Variants in SNTG1 observed in about 807,000 individuals in gnomAD.
SNTG1 encodes the protein syntrophin gamma 1.
Under a neutral mutation model 74.7 loss-of-function variants are expected in SNTG1, and 39 were observed. The observed-to-expected ratio is 0.52, with a 90% CI of 0.40 to 0.68. The LOEUF (loss-of-function observed/expected upper bound fraction) is 0.68, where lower values mean the gene tolerates loss of function less well. SNTG1 is among the 30% of genes least tolerant of loss of function. The pLI, the probability that SNTG1 is intolerant of heterozygous loss-of-function variation, is 0.00. For synonymous variants in SNTG1, 254 were observed against 217.1 expected (o/e 1.17, Z -1.49); for missense variants, 685 against 609.5 (o/e 1.12, Z -1.30).
At chr8:50,243,663 G>A (rs1563789240) in intron 2 of SNTG1, among the ~76,000 whole-genome samples, 1 of 150,062 alleles carries the variant, frequency 6.7e-6, no homozygotes, top group Non-Finnish European at 1.5e-5. Context: ...AAGGCGTTTG[G>A]GCCAGGTCTC....
At chr8:50,668,117 G>T (rs1442248732) in intron 15 of SNTG1, among the ~76,000 whole-genome samples, 4 of 151,828 alleles carry the variant, frequency 2.6e-5, no homozygotes, top group Non-Finnish European at 1.5e-5. Context: ...TTCAAATCCA[G>T]CTTCCTGTCT....
intron 1 of SNTG1, among the ~76,000 whole-genome samples, chr8:49,994,383 G>C (rs1200993116): frequency 1.4e-5 from 2 of 147,174 alleles, no homozygotes; most frequent in Non-Finnish European, 3.0e-5. Flanking sequence ...AGCTTCCATA[G>C]TAGCTGGGGT....
chr8:50,653,668 T>C (rs545594962), intron 13 of SNTG1, among the ~76,000 whole-genome samples: 5 of 152,322 alleles, frequency 3.3e-5, no homozygotes, highest in African/African-American at 9.6e-5. Context: ...ACTTTTCTTT[T>C]ATACTTCTAA....
chr8:50,657,054 G>A (rs370905794), intron 14 of SNTG1, 29 bp downstream of exon 14: 13 of 1,321,066 alleles, frequency 9.8e-6, no homozygotes, highest in South Asian at 6.6e-5. Context: ...TGTATTGGTC[G>A]TTTCCATATT....
chr8:50,458,148 A>T (rs1298338289), intron 8 of SNTG1: 1 of 152,064 alleles, frequency 6.6e-6, no homozygotes, highest in African/African-American at 2.4e-5. Flanking sequence ...ATACCAAAGG[A>T]TCATTAAGAT....
chr8:50,256,666 G>C (rs926895155), intron 2 of SNTG1, among the ~76,000 whole-genome samples: 7 of 151,888 alleles, frequency 4.6e-5, no homozygotes, highest in Non-Finnish European at 1.5e-5. Context: ...TAAAAAGAAA[G>C]TTATTGTAAC....
chr8:50,597,356 T>C (rs1352060302), intron 13 of SNTG1, among the ~76,000 whole-genome samples: 1 of 139,146 alleles, frequency 7.2e-6, no homozygotes, highest in Non-Finnish European at 1.5e-5. Flanking sequence ...TACACGTATA[T>C]ATACACATAT....
intron 18 of SNTG1, among the ~76,000 whole-genome samples, chr8:50,778,363 T>G (rs2095647612): frequency 6.6e-6 from 1 of 152,158 alleles, no homozygotes; most frequent in East Asian, 1.9e-4. Flanking sequence ...CTCCAGGACC[T>G]GTTGTTTCCT....
intron 1 of SNTG1, among the ~76,000 whole-genome samples, chr8:50,153,437 G>A (rs954929655): frequency 6.6e-6 from 1 of 152,192 alleles, no homozygotes; most frequent in Non-Finnish European, 1.5e-5. Flanking sequence ...TTGTTCCACT[G>A]CTGGCGAGGA....
intron 9 of SNTG1, among the ~76,000 whole-genome samples, chr8:50,512,851 A>C (rs1288882398): frequency 6.6e-6 from 1 of 151,998 alleles, no homozygotes; most frequent in Non-Finnish European, 1.5e-5. Flanking sequence ...CTTCTTTGCC[A>C]TGGGTTCGAA....
At chr8:50,509,100 A>AG (rs2094039044) in intron 9 of SNTG1, among the ~76,000 whole-genome samples, 1 of 152,144 alleles carries the variant, frequency 6.6e-6, no homozygotes, top group Non-Finnish European at 1.5e-5. Context: ...TTTTTGTATA[A>AG]GGTTTATGGA....
chr8:50,539,357 G>A (rs75988533), intron 11 of SNTG1, among the ~76,000 whole-genome samples: 7,519 of 152,114 alleles, frequency 0.049, 250 homozygotes, highest in Middle Eastern at 0.089. Flanking sequence ...TTGTTGTGAG[G>A]ACTGGGTGGG....
intron 1 of SNTG1, among the ~76,000 whole-genome samples, chr8:49,958,325 G>A (rs1026016240): frequency 6.6e-6 from 1 of 152,194 alleles, no homozygotes; most frequent in Non-Finnish European, 1.5e-5. Context: ...ACAAAATAGG[G>A]AGTGAAAGGA....
chr8:50,416,191 A>G (rs985294326), intron 4 of SNTG1, among the ~76,000 whole-genome samples: 1 of 152,186 alleles, frequency 6.6e-6, no homozygotes, highest in Non-Finnish European at 1.5e-5. Context: ...TGGTTTTTGC[A>G]CTGGGCATTC....
chr8:50,121,782 G>A (rs1308791384), intron 1 of SNTG1, among the ~76,000 whole-genome samples: 2 of 141,968 alleles, frequency 1.4e-5, no homozygotes, highest in Non-Finnish European at 3.1e-5. Context: ...GATTGTTGGA[G>A]CCCAGGACTT....
intron 2 of SNTG1, among the ~76,000 whole-genome samples, chr8:50,205,217 C>T (rs2084164025): frequency 1.3e-5 from 2 of 152,166 alleles, no homozygotes; most frequent in Admixed American, 6.5e-5. Context: ...TTCTCCACAT[C>T]CTCTCCAGCA....
intron 13 of SNTG1, among the ~76,000 whole-genome samples, chr8:50,650,785 C>G (rs2095140112): frequency 6.6e-6 from 1 of 152,090 alleles, no homozygotes; most frequent in South Asian, 2.1e-4. Flanking sequence ...TCTGCAACCT[C>G]CACCTTCTGG....
At chr8:50,028,945 G>A (rs1817512760) in intron 1 of SNTG1, among the ~76,000 whole-genome samples, 1 of 152,010 alleles carries the variant, frequency 6.6e-6, no homozygotes, top group South Asian at 2.1e-4. Context: ...GTCAGATCAT[G>A]TCTTTTGTCC....
intron 18 of SNTG1, among the ~76,000 whole-genome samples, chr8:50,763,540 C>T (rs547636423): frequency 6.6e-6 from 1 of 151,042 alleles, no homozygotes; most frequent in South Asian, 2.1e-4. Context: ...GTTGATGTGT[C>T]TGTTTTTATT....
Sources: gnomAD v4.1 joint callset for allele counts (sites outside exome capture counted in the v4.1 genomes callset) on GRCh38, gnomAD v4.1.1 for gene constraint, MANE v1.5 for transcripts, NCBI Gene and HGNC (gene_info 2026-07-23, HGNC 2026-07-21) for gene names.